Variants in BMPR1B observed in about 807,000 individuals in gnomAD.
The protein encoded by BMPR1B is bone morphogenetic protein receptor type 1B.
Under a neutral mutation model 59.1 loss-of-function variants are expected in BMPR1B, and 12 were observed. The observed-to-expected ratio is 0.20, with a 90% CI of 0.13 to 0.33. The LOEUF (loss-of-function observed/expected upper bound fraction) is 0.33. Among genes scored for constraint, BMPR1B ranks in the 10% least tolerant of loss-of-function variants. The pLI, the probability that BMPR1B is intolerant of heterozygous loss-of-function variation, is 1.00. For synonymous variants in BMPR1B, 237 were observed against 207.3 expected (o/e 1.14, Z -1.23); for missense variants, 550 against 610.9 (o/e 0.90, Z 1.05).
intron 10 of BMPR1B, among the ~76,000 whole-genome samples, chr4:95,144,490 T>A (rs66532632): frequency 0.48 from 70,986 of 148,908 alleles, 17,751 homozygotes; most frequent in Admixed American, 0.59. Flanking sequence ...TTTTTTTTTT[T>A]AAAAAAAATA....
intron 3 of BMPR1B, among the ~76,000 whole-genome samples, chr4:94,998,919 C>T (rs1309869292): frequency 6.6e-6 from 1 of 152,154 alleles, no homozygotes; most frequent in African/African-American, 2.4e-5. Flanking sequence ...TATTTGCTGG[C>T]AGTATTCAAC....
intron 3 of BMPR1B, among the ~76,000 whole-genome samples, chr4:95,097,791 C>T (rs1314470865): frequency 6.6e-6 from 1 of 152,162 alleles, no homozygotes; most frequent in Non-Finnish European, 1.5e-5. Flanking sequence ...CCTCCTCAAC[C>T]TCCTAAAGTG....
intron 3 of BMPR1B, among the ~76,000 whole-genome samples, chr4:95,001,084 A>G (rs1406071618): frequency 6.6e-6 from 1 of 152,102 alleles, no homozygotes; most frequent in East Asian, 1.9e-4. Flanking sequence ...AGTATTAGGT[A>G]ATTATAAGGC....
intron 1 of BMPR1B, among the ~76,000 whole-genome samples, chr4:94,843,146 A>G (rs1725165347): frequency 6.6e-6 from 1 of 152,226 alleles, no homozygotes; most frequent in Non-Finnish European, 1.5e-5. Context: ...CCAAAATCAC[A>G]TAGTTAGTAA....
intron 10 of BMPR1B, 89 bp from the exon 11 acceptor site, chr4:95,148,659 C>G: frequency 7.4e-7 from 1 of 1,354,364 alleles, no homozygotes; most frequent in South Asian, 1.2e-5. Flanking sequence ...CCACTTTTCA[C>G]TAACTAAAGC....
intron 2 of BMPR1B, among the ~76,000 whole-genome samples, chr4:94,969,058 C>T (rs1278108611): frequency 9.9e-5 from 15 of 150,920 alleles, no homozygotes; most frequent in Admixed American, 7.3e-4. Context: ...TTTTTTGAGA[C>T]GGAGTCTTGC....
At chr4:95,146,957 C>T (rs1052009051) in intron 10 of BMPR1B, among the ~76,000 whole-genome samples, 1 of 152,134 alleles carries the variant, frequency 6.6e-6, no homozygotes, top group African/African-American at 2.4e-5. Context: ...TTCTATTATA[C>T]CAATAAGTGC....
Position 94,884,316 on chromosome 4 carries a change from AG to A in BMPR1B, c.-113+8418del, listed in dbSNP as rs1483633713. 5.9e-5 allele frequency among the ~76,000 whole-genome samples: 9 copies of A among 152,284 alleles called. No homozygotes were observed. In the East Asian group the frequency reaches 1.7e-3, roughly 29 times the overall value. On this transcript the variant is annotated intron_variant, in intron 2 of 12. Coordinates refer to ENST00000515059, the MANE Select transcript of BMPR1B (RefSeq NM_001203.3). ...TGAGATGAGTGGATCACTTGAGGTT[AG>A]GAGTTCGAAACCCGCCTGGCCAACA...
In BMPR1B at chr4:94,847,286, A is replaced by G. The variant is rs1251806082; in HGVS notation, c.-182-28545A>G. Among the ~76,000 whole-genome samples, 2 of 152,224 alleles carry G rather than the reference A, an allele frequency of 1.3e-5. 1 individual carries two copies. The highest frequency in any genetic ancestry group is 2.9e-5 in the Non-Finnish European group (2 of 68,042). On this transcript the variant is annotated intron_variant, in intron 1 of 12. Transcript: ENST00000515059. ...TTTTATCCAAAAAACAGGCAGTAAC[A>G]AATGCTGTTGAGGATGTAGAGATAT...
intron 2 of BMPR1B, among the ~76,000 whole-genome samples, chr4:94,902,083 GTGT>G (rs879910391): frequency 0.012 from 1,610 of 133,386 alleles, 13 homozygotes; most frequent in Middle Eastern, 0.02. Context: ...GTGTGTGTGT[GTGT>G]GGGGTGTATT....
At chr4:94,846,682 T>C (rs1401638257) in intron 1 of BMPR1B, among the ~76,000 whole-genome samples, 1 of 152,142 alleles carries the variant, frequency 6.6e-6, no homozygotes, top group African/African-American at 2.4e-5. Context: ...TAATACTTAA[T>C]GAACTCCCCT....
intron 2 of BMPR1B, among the ~76,000 whole-genome samples, chr4:94,902,249 CA>C (rs1727858084): frequency 1.4e-5 from 1 of 68,990 alleles, no homozygotes; most frequent in African/African-American, 5.6e-5. Flanking sequence ...CACACACACA[CA>C]GAGAGAGAGA....
chr4:95,029,960 G>T (rs550790083), intron 3 of BMPR1B, among the ~76,000 whole-genome samples: 3 of 151,832 alleles, frequency 2.0e-5, no homozygotes, highest in South Asian at 2.1e-4. Flanking sequence ...TTTTGATGGG[G>T]TTGTTTGTTT....
chr4:94,825,234 A>G (rs1724342542), intron 1 of BMPR1B, among the ~76,000 whole-genome samples: 1 of 152,122 alleles, frequency 6.6e-6, no homozygotes. Flanking sequence ...TGGGTGTGGT[A>G]GCTCATGCCT....
intron 3 of BMPR1B, among the ~76,000 whole-genome samples, chr4:95,020,897 G>T (rs886947473): frequency 6.6e-6 from 1 of 151,934 alleles, no homozygotes; most frequent in African/African-American, 2.4e-5. Flanking sequence ...TTTTATTTTT[G>T]TAGAGATGAG....
intron 3 of BMPR1B, chr4:95,091,637 G>T: frequency 1.0e-6 from 1 of 985,110 alleles, no homozygotes; most frequent in African/African-American, 1.7e-5. Context: ...AGTGAGTAGT[G>T]GGAGAAGCTT....
At chr4:94,939,324 A>G (rs1029521604) in intron 2 of BMPR1B, among the ~76,000 whole-genome samples, 4 of 152,340 alleles carry the variant, frequency 2.6e-5, no homozygotes, top group Non-Finnish European at 5.9e-5. Context: ...TTAAGCAGTA[A>G]TCCAACACTG....
intron 2 of BMPR1B, among the ~76,000 whole-genome samples, chr4:94,985,067 A>G (rs1364581655): frequency 1.3e-5 from 2 of 152,188 alleles, no homozygotes; most frequent in Non-Finnish European, 2.9e-5. Flanking sequence ...TGGTACGTTA[A>G]GAGAGCATAA....
At chr4:94,950,997 A>AT (rs1729912447) in intron 2 of BMPR1B, among the ~76,000 whole-genome samples, 1 of 152,148 alleles carries the variant, frequency 6.6e-6, no homozygotes, top group Admixed American at 6.5e-5. Flanking sequence ...GGTCCTTCCC[A>AT]TCCCTTGTAA....
Sources: allele counts gnomAD v4.1 joint callset (sites outside exome capture counted in the v4.1 genomes callset), GRCh38; gene constraint gnomAD v4.1.1; transcripts MANE v1.5; gene names NCBI Gene and HGNC (gene_info 2026-07-23, HGNC 2026-07-21).